DNAH8: variants seen among roughly 807,000 people sequenced by gnomAD.
DNAH8 encodes dynein axonemal heavy chain 8.
Under a neutral mutation model 562.1 loss-of-function variants are expected in DNAH8, and 382 were observed. The observed-to-expected ratio is 0.68, with a 90% CI of 0.63 to 0.74. The LOEUF is 0.74. Among genes scored for constraint, DNAH8 ranks in the 30% least tolerant of loss-of-function variants. The probability of loss-of-function intolerance (pLI) is 0.00; values close to 1 mark genes in which losing one functional copy is unlikely to be tolerated. For synonymous variants in DNAH8, 1,881 were observed against 1,919.4 expected, an observed-to-expected ratio of 0.98 and a Z score of 0.52; for missense variants, 5,203 against 5,620.4, an observed-to-expected ratio of 0.93 and a Z score of 2.37.
intron 26 of DNAH8, among the ~76,000 whole-genome samples, chr6:38,819,912 A>C (rs1344838386): frequency 2.0e-5 from 3 of 152,238 alleles, no homozygotes; most frequent in Admixed American, 6.5e-5. Context: ...AATGTAAAAA[A>C]AATTTGCACA....
chr6:38,836,942 G>A (rs1774356160), intron 32 of DNAH8, among the ~76,000 whole-genome samples: 1 of 152,132 alleles, frequency 6.6e-6, no homozygotes, highest in Non-Finnish European at 1.5e-5. Context: ...ACACATTGAT[G>A]AGTTTTTAAA....
chr6:38,793,605 A>G (rs1447621874), intron 21 of DNAH8, among the ~76,000 whole-genome samples: 1 of 152,106 alleles, frequency 6.6e-6, no homozygotes, highest in Non-Finnish European at 1.5e-5. Context: ...TTTTTAAAAA[A>G]CTGGTAATTT....
chr6:39,029,889 C>T (rs1202229738), intron 92 of DNAH8, among the ~76,000 whole-genome samples: 1 of 152,148 alleles, frequency 6.6e-6, no homozygotes, highest in Non-Finnish European at 1.5e-5. Flanking sequence ...ATAACAAACA[C>T]GAACATCTCT....
chr6:38,968,258 C>T lies in DNAH8; in HGVS notation c.12452-3334C>T, dbSNP rs73410597. 9.8e-3 allele frequency among the ~76,000 whole-genome samples: 1,496 copies of T among 152,080 alleles called. 34 individuals carry two copies. Among genetic ancestry groups the T allele is most frequent in the African/African-American group, 0.034 (1,403 of 41,482 alleles). On this transcript the variant is annotated intron_variant, in intron 82 of 92. Transcript: ENST00000327475. ...AGGCAATGGTTTTCTAGATATGAAA[C>T]CAAAAACATAAGCAATAAAAGGAAA...
chr6:38,922,587 G>C (rs999183726), intron 71 of DNAH8, among the ~76,000 whole-genome samples: 1 of 152,148 alleles, frequency 6.6e-6, no homozygotes, highest in African/African-American at 2.4e-5. Flanking sequence ...TTTAGCACCA[G>C]CTCACAAATA....
intron 7 of DNAH8, among the ~76,000 whole-genome samples, chr6:38,740,909 CA>C (rs1764470361): frequency 1.3e-5 from 2 of 152,220 alleles, no homozygotes; most frequent in Admixed American, 1.3e-4. Flanking sequence ...CCACTGCTCC[CA>C]ACCTTAGATA....
intron 60 of DNAH8, among the ~76,000 whole-genome samples, chr6:38,896,971 G>A (rs1292259590): frequency 6.6e-6 from 1 of 151,932 alleles, no homozygotes; most frequent in Non-Finnish European, 1.5e-5. Flanking sequence ...ATTTTTAGTA[G>A]AGACGAGGTT....
At chr6:38,774,540 G>A (rs551870341) in intron 12 of DNAH8, among the ~76,000 whole-genome samples, 1 of 152,210 alleles carries the variant, frequency 6.6e-6, no homozygotes, top group Non-Finnish European at 1.5e-5. Context: ...CACTGGCTAA[G>A]TTTGAAGGGC....
At chr6:38,986,029 C>T (rs1764370882) in intron 87 of DNAH8, among the ~76,000 whole-genome samples, 1 of 152,232 alleles carries the variant, frequency 6.6e-6, no homozygotes, top group African/African-American at 2.4e-5. Context: ...CCATGGCATA[C>T]TATTGCTCAC....
chr6:38,872,564 G>C lies in DNAH8; in HGVS notation c.7019G>C (p.Gly2340Ala). Residue 2340 changes from glycine to alanine, a missense_variant, in exon 50 of 93, where the codon GGC (glycine) becomes GCC (alanine). By Grantham distance (60) the Gly-to-Ala change is moderately conservative. Transcript: ENST00000327475. The part of the protein sequence containing the change: ...QLYETSLVRH[G>A]LMTLGPSGSG... The stretch of plus-strand genomic sequence containing the variant: ...TATGAGACGTCTTTGGTACGGCATG[G>C]CTTGATGACTCTTGGGCCCAGTGGT... 4 of 1,614,070 alleles carry C rather than the reference G, an allele frequency of 2.5e-6. No individual in the cohort carries two copies. Among genetic ancestry groups the C allele is most frequent in the Non-Finnish European group, 3.4e-6 (4 of 1,179,936 alleles).
chr6:38,952,851 T>C (rs929134853), intron 82 of DNAH8, among the ~76,000 whole-genome samples: 1 of 152,206 alleles, frequency 6.6e-6, no homozygotes, highest in African/African-American at 2.4e-5. Context: ...ATTCGCTATC[T>C]TCAAAGTAGG....
chr6:39,014,341 G>A (rs913932927), intron 91 of DNAH8, among the ~76,000 whole-genome samples: 1 of 152,010 alleles, frequency 6.6e-6, no homozygotes, highest in East Asian at 1.9e-4. Flanking sequence ...TCTTTCCTCC[G>A]TATGAGCCTC....
At position 38,863,933 on chromosome 6, in the gene DNAH8, T is replaced by C; in HGVS notation, c.6371T>C (p.Val2124Ala). The C allele has an allele frequency of 1.2e-6, 2 of 1,612,960 alleles. No individual in the cohort carries two copies. Among genetic ancestry groups the C allele is most frequent in the Non-Finnish European group, 1.7e-6 (2 of 1,179,790 alleles). Residue 2124 changes from valine (V) to alanine (A), a missense_variant, in exon 45 of 93, where the codon GTA becomes GCA. Transcript: ENST00000327475. ...FDEFNRIELP[V>A]LSVAAQQIYI... ...GAGTTTAACAGAATTGAATTGCCTG[T>C]ATTATCAGTGGCAGCACAACAAATT...
intron 58 of DNAH8, among the ~76,000 whole-genome samples, chr6:38,891,137 A>T (rs1415541275): frequency 6.6e-6 from 1 of 152,202 alleles, no homozygotes; most frequent in Non-Finnish European, 1.5e-5. Context: ...TAATACATGG[A>T]TTTCCAGATA....
intron 87 of DNAH8, among the ~76,000 whole-genome samples, chr6:38,986,970 A>G (rs1764440689): frequency 6.6e-6 from 1 of 152,392 alleles, no homozygotes; most frequent in African/African-American, 2.4e-5. Flanking sequence ...CATCAGTGCC[A>G]AACTCTGAGC....
In DNAH8 at chr6:38,938,086, C is replaced by T. The variant is rs764519856; in HGVS notation, c.11676C>T (p.Asn3892=). 36 of 1,613,884 alleles carry T rather than the reference C, an allele frequency of 2.2e-5. No homozygotes were observed. Among genetic ancestry groups the T allele is most frequent in the Admixed American group, 5.0e-5 (3 of 59,986 alleles). The change falls in exon 78 of 93, where the codon AAC becomes AAT. Residue 3892 remains asparagine, a synonymous_variant. Coordinates refer to ENST00000327475, the MANE Select transcript of DNAH8 (RefSeq NM_001206927.2). ...CTGCAGAAACTGAGATCAAGATCAA[C>T]GCGGCTCAGGAGGAGTTCCGGCCCG... is the stretch of plus-strand genomic sequence containing the variant. ...HVAAETEIKI[N]AAQEEFRPAA... is the part of the protein sequence containing the mutation.
chr6:38,926,675 G>A (rs1782147786), intron 74 of DNAH8, among the ~76,000 whole-genome samples: 1 of 152,120 alleles, frequency 6.6e-6, no homozygotes, highest in African/African-American at 2.4e-5. Flanking sequence ...ACTCCCTTAG[G>A]GATTCTGTTA....
intron 45 of DNAH8, among the ~76,000 whole-genome samples, chr6:38,865,796 G>T (rs1417905541): frequency 1.3e-5 from 2 of 152,230 alleles, no homozygotes; most frequent in African/African-American, 4.8e-5. Context: ...GTTAAGAGGA[G>T]TATTGAGAGG....
At position 38,909,621 on chromosome 6, in the gene DNAH8, T is replaced by C; in HGVS notation, c.9617T>C (p.Val3206Ala). Residue 3206 changes from valine to alanine, a missense_variant, in exon 65 of 93, where the codon GTG becomes GCG. By Grantham distance (64) the Val-to-Ala change is moderately conservative. This residue lies in a region of DNAH8 where 977 missense variants were observed against 1,061.8 expected (regional missense o/e 0.92). Transcript: ENST00000327475. ...SRWPREALIA[V>A]ASYFLSDYNI... ...TGGCCAAGGGAGGCTCTGATTGCTGTGGCCTCCTACTTCCTTTCAGACTAT... is the reference window on the plus strand; with the variant it reads ...TGGCCAAGGGAGGCTCTGATTGCTGCGGCCTCCTACTTCCTTTCAGACTAT... The C allele has an allele frequency of 6.2e-7, 1 of 1,614,178 alleles. No homozygotes were observed.
Sources: allele counts gnomAD v4.1 joint callset (sites outside exome capture counted in the v4.1 genomes callset), GRCh38; gene constraint gnomAD v4.1.1; regional missense constraint gnomAD v4.1.1; transcripts MANE v1.5; gene names NCBI Gene and HGNC (gene_info 2026-07-23, HGNC 2026-07-21).